The following TADA2B variants were observed in gnomAD, a reference collection of about 807,000 sequenced individuals.
TADA2B encodes the protein transcriptional adaptor 2B.
TADA2B carries 13 observed loss-of-function variants against 34.5 expected under a neutral mutation model. That is an observed-to-expected ratio of 0.38 (90% CI 0.25 to 0.60). The LOEUF is 0.60. Ranked by LOEUF, TADA2B falls within the 20% of genes least tolerant of loss-of-function variation. The pLI, the probability that TADA2B is intolerant of heterozygous loss-of-function variation, is 0.65. For synonymous variants in TADA2B, 240 were observed against 243.4 expected, an observed-to-expected ratio of 0.99 and a Z score of 0.13; for missense variants, 442 against 575.0, an observed-to-expected ratio of 0.77 and a Z score of 2.37.
chr4:7,052,689 G>C (rs1233471883), intron 1 of TADA2B: 1 of 152,248 alleles, frequency 6.6e-6, no homozygotes, highest in African/African-American at 2.4e-5. Flanking sequence ...ACTTGGTGTT[G>C]TGTTTTGTTT....
intron 1 of TADA2B, chr4:7,046,138 G>T: frequency 6.6e-6 from 1 of 152,320 alleles, no homozygotes. Context: ...AGGACTCAGG[G>T]GGTGCACTGG....
intron 1 of TADA2B, among the ~76,000 whole-genome samples, chr4:7,044,150 C>G (rs1723558129): frequency 6.6e-6 from 1 of 152,254 alleles, no homozygotes; most frequent in Admixed American, 6.5e-5. Context: ...CAGGCGTTTG[C>G]GGAGTGCAGA....
rs1166277892 is a variant in TADA2B, at chr4:7,056,712, T to A, written c.*1658T>A. On this transcript the variant is annotated 3_prime_UTR_variant, in exon 2 of 2. Transcript: ENST00000310074. ...CTCTTTTAGCTAAGCCCAGAACTTCTCTTTTGACAATAAAGTACTGAGCAG... is the reference window on the plus strand; with the variant it reads ...CTCTTTTAGCTAAGCCCAGAACTTCACTTTTGACAATAAAGTACTGAGCAG... 6.6e-6 allele frequency: 1 copy of A among 152,160 alleles called. No individual in the cohort carries two copies. The highest frequency in any genetic ancestry group is 1.5e-5 in the Non-Finnish European group (1 of 68,008). The allele number at this position is 152,160 out of a possible 1,614,324, so 9.4% of individuals were successfully genotyped here. A position where few individuals can be genotyped will look rare whatever the true frequency, so the allele number is the denominator to read the frequency against.
At chr4:7,043,975 T>A (rs1325249956) in intron 1 of TADA2B, 126 bp downstream of exon 1, 1 of 1,237,806 alleles carries the variant, frequency 8.1e-7, no homozygotes. Context: ...GCCCCGGAGG[T>A]GGGGAGGGCG....
chr4:7,047,288 C>G (rs1045663696), intron 1 of TADA2B, among the ~76,000 whole-genome samples: 3 of 152,194 alleles, frequency 2.0e-5, no homozygotes, highest in Non-Finnish European at 2.9e-5. Flanking sequence ...CAGTGCTCCT[C>G]TGCAGGTGGT....
At position 7,055,074 on chromosome 4, in the gene TADA2B, C is replaced by G; in HGVS notation, c.*20C>G. 1 of 1,591,530 alleles carries G rather than the reference C, an allele frequency of 6.3e-7. No individual in the cohort carries two copies. The highest frequency in any genetic ancestry group is 8.5e-7 in the Non-Finnish European group (1 of 1,170,012). ...TCTTGAAGCTGAGACGCTTTGAAAG[C>G]CAGGGTGATGCTCAGACAGTGTGCC... On this transcript the variant is annotated 3_prime_UTR_variant, in exon 2 of 2. Coordinates refer to ENST00000310074, the MANE Select transcript of TADA2B (RefSeq NM_152293.3).
intron 1 of TADA2B, among the ~76,000 whole-genome samples, chr4:7,048,371 C>T (rs1461397314): frequency 2.0e-5 from 3 of 152,010 alleles, no homozygotes; most frequent in Non-Finnish European, 4.4e-5. Flanking sequence ...AGTGGGACAC[C>T]CAGGATGCCT....
chr4:7,048,915 G>A (rs1723699713), intron 1 of TADA2B, among the ~76,000 whole-genome samples: 1 of 152,230 alleles, frequency 6.6e-6, no homozygotes, highest in Non-Finnish European at 1.5e-5. Flanking sequence ...TCCTTTCATG[G>A]CTGAACAATC....
rs1723535734 is a variant in TADA2B at position 7,043,454 on chromosome 4, G to T, written c.-126G>T. The T allele has an allele frequency of 2.7e-6, 1 of 375,970 alleles. No homozygotes were observed. The highest frequency in any genetic ancestry group is 3.6e-6 in the Non-Finnish European group (1 of 275,910). The allele number at this position is 375,970 out of a possible 1,614,324, so 23.3% of individuals were successfully genotyped here. A position where few individuals can be genotyped will look rare whatever the true frequency, so the allele number is the denominator to read the frequency against. On this transcript the variant is annotated 5_prime_UTR_variant, in exon 1 of 2. Transcript: ENST00000310074. ...CTGGGCTGGGGCCGCGGTGGCGGCA[G>T]CCGCGGCGGCGGGCGGCGGTTGCTC...
chr4:7,049,832 G>A (rs928512054), intron 1 of TADA2B, among the ~76,000 whole-genome samples: 1 of 152,246 alleles, frequency 6.6e-6, no homozygotes, highest in Non-Finnish European at 1.5e-5. Context: ...TGCCAGCCCC[G>A]AGGGCTGTTG....
rs1334163577 is a variant in TADA2B at position 7,057,946 on chromosome 4, A to G, written c.*2892A>G. On this transcript the variant is annotated 3_prime_UTR_variant, in exon 2 of 2. Coordinates refer to ENST00000310074, the MANE Select transcript of TADA2B (RefSeq NM_152293.3). The stretch of plus-strand genomic sequence containing the variant: ...CTTTTTCCATATTAAACAAGTTGAG[A>G]ACAAAAGAGTGTCACCGCTTGCTTC... 6.6e-6 allele frequency: 1 copy of G among 152,188 alleles called. No homozygotes were observed. The highest frequency in any genetic ancestry group is 1.5e-5 in the Non-Finnish European group (1 of 68,042). The allele number at this position is 152,188 out of a possible 1,614,324, so 9.4% of individuals were successfully genotyped here. A position where few individuals can be genotyped will look rare whatever the true frequency, so the allele number is the denominator to read the frequency against.
At chr4:7,050,373 C>T (rs1026611679) in intron 1 of TADA2B, among the ~76,000 whole-genome samples, 2 of 152,266 alleles carry the variant, frequency 1.3e-5, no homozygotes, top group African/African-American at 2.4e-5. Context: ...CCTGGTGGGA[C>T]CCCTCCCTTA....
chr4:7,048,972 G>A (rs962981542), intron 1 of TADA2B, among the ~76,000 whole-genome samples: 73 of 152,190 alleles, frequency 4.8e-4, no homozygotes, highest in Admixed American at 2.4e-3. Context: ...TAGCTGTGAC[G>A]GACATTCGGT....
rs1294202449 is a variant in TADA2B at position 7,057,948 on chromosome 4, CAA to C, written c.*2897_*2898del. ...TTTTCCATATTAAACAAGTTGAGAA[CAA>C]AAGAGTGTCACCGCTTGCTTCTTAC... On this transcript the variant is annotated 3_prime_UTR_variant, in exon 2 of 2. Coordinates refer to ENST00000310074, the MANE Select transcript of TADA2B (RefSeq NM_152293.3). 1.3e-5 allele frequency: 2 copies of C among 152,234 alleles called. No individual in the cohort carries two copies. Among genetic ancestry groups the C allele is most frequent in the African/African-American group, 2.4e-5 (1 of 41,534 alleles). 9.4% of individuals were successfully genotyped at this position (152,234 alleles called of 1,614,324 possible).
At position 7,057,281 on chromosome 4, in the gene TADA2B, A is replaced by G. The variant is rs1462321950; in HGVS notation, c.*2227A>G. ...GGTATGAAGAATTTATTTAGGCTTG[A>G]CTGTTTTAAAACACCATAATGAATG... On this transcript the variant is annotated 3_prime_UTR_variant, in exon 2 of 2. Coordinates refer to ENST00000310074, the MANE Select transcript of TADA2B (RefSeq NM_152293.3). The G allele has an allele frequency of 1.3e-5, 2 of 152,198 alleles. No homozygotes were observed. The highest frequency in any genetic ancestry group is 2.4e-5 in the African/African-American group (1 of 41,438). 9.4% of individuals were successfully genotyped at this position (152,198 alleles called of 1,614,324 possible). A position where few individuals can be genotyped will look rare whatever the true frequency, so the allele number is the denominator to read the frequency against.
chr4:7,045,684 C>T (rs1346637804), intron 1 of TADA2B: 7 of 152,310 alleles, frequency 4.6e-5, no homozygotes, highest in African/African-American at 1.7e-4. Context: ...TAAGGAGGCG[C>T]AGAGCCTTGG....
chr4:7,049,906 G>T (rs973772496), intron 1 of TADA2B, among the ~76,000 whole-genome samples: 2 of 152,238 alleles, frequency 1.3e-5, no homozygotes, highest in African/African-American at 4.8e-5. Flanking sequence ...GGCCCTAGTT[G>T]TTGGCCCAGT....
In TADA2B at chr4:7,054,436, GAGAC is replaced by G. The variant is rs1477843097; in HGVS notation, c.648_651del (p.Arg216SerfsTer28). Reference sequence around the variant, plus strand: ...ACATGTACGTGCGGAAGCTGAAAGAGAGACAGCGGCGGAAGAACATCGCCCGTGA... The same window carrying G: ...ACATGTACGTGCGGAAGCTGAAAGAGAGCGGCGGAAGAACATCGCCCGTGA... On this transcript the variant is annotated frameshift_variant, in exon 2 of 2. Transcript: ENST00000310074. LOFTEE classifies it high-confidence loss of function. 6.2e-7 allele frequency: 1 copy of G among 1,613,598 alleles called. No homozygotes were observed. Among genetic ancestry groups the G allele is most frequent in the Non-Finnish European group, 8.5e-7 (1 of 1,179,880 alleles).
chr4:7,046,807 G>T (rs961837124), intron 1 of TADA2B, among the ~76,000 whole-genome samples: 1 of 152,162 alleles, frequency 6.6e-6, no homozygotes, highest in Non-Finnish European at 1.5e-5. Flanking sequence ...CCTGGGGGTT[G>T]TACAACTACA....
Sources: gnomAD v4.1 joint callset for allele counts (sites outside exome capture counted in the v4.1 genomes callset) on GRCh38, gnomAD v4.1.1 for gene constraint, MANE v1.5 for transcripts, NCBI Gene and HGNC (gene_info 2026-07-23, HGNC 2026-07-21) for gene names.